The following MUC12 variants were observed in gnomAD, a reference collection of about 807,000 sequenced individuals.
The protein encoded by MUC12 is mucin 12, cell surface associated, also known as mucin-12.
MUC12 carries 172 observed loss-of-function variants against 230.8 expected under a neutral mutation model. The observed-to-expected ratio is 0.75, with a 90% confidence interval of 0.66 to 0.85. MUC12 has a LOEUF of 0.85. Among genes scored for constraint, MUC12 ranks in the 40% least tolerant of loss-of-function variants. The probability of loss-of-function intolerance (pLI) is 0.00; values close to 1 mark genes in which losing one functional copy is unlikely to be tolerated. For synonymous variants in MUC12, 1,259 were observed against 2,401.9 expected, an observed-to-expected ratio of 0.52 and a Z score of 13.91; for missense variants, 3,506 against 5,920.6, an observed-to-expected ratio of 0.59 and a Z score of 13.38.
chr7:100,981,260 C>G (rs1793100171), intron 1 of MUC12: 3 of 419,590 alleles, frequency 7.1e-6, no homozygotes, highest in Non-Finnish European at 4.2e-6. Context: ...AGAAGGACCG[C>G]CGCACTTGCT....
intron 1 of MUC12, among the ~76,000 whole-genome samples, chr7:100,989,716 G>T (rs899719819): frequency 2.0e-5 from 3 of 151,038 alleles, no homozygotes; most frequent in Non-Finnish European, 3.0e-5. Flanking sequence ...TTTTTAGATG[G>T]TGTCTCACTC....
chr7:101,004,763 C>G lies in MUC12; in HGVS notation c.14200C>G (p.Leu4734Val), dbSNP rs113022012. The G allele has an allele frequency of 6.8e-3, 10,445 of 1,537,346 alleles. 49 individuals carry two copies. Among genetic ancestry groups the G allele is most frequent in the African/African-American group, 0.022 (1,641 of 73,128 alleles). ...AGCCAGCACTGCCACAACACCAGGC[C>G]TCAGTGCAAAATCTACCATCCTTTA... ...TLASTATTPG[L>V]SAKSTILYSS... Residue 4734 changes from leucine to valine, a missense_variant, in exon 2 of 12, where the codon CTC becomes GTC. Transcript: ENST00000536621.
chr7:100,992,273 A>G lies in MUC12; in HGVS notation c.1710A>G (p.Ala570=). The part of the protein sequence containing the change: ...DTTLSPGSTT[A]SSLGPEYTTF... ...CATTGTCCCCTGGCAGTACCACAGC[A>G]TCATCCCTTGGTCCAGAATATACTA... Residue 570 remains alanine (A), a synonymous_variant, in exon 2 of 12, where the codon GCA becomes GCG. Transcript: ENST00000536621. 6.5e-7 allele frequency: 1 copy of G among 1,536,858 alleles called. No homozygotes were observed. Among genetic ancestry groups the G allele is most frequent in the Non-Finnish European group, 8.7e-7 (1 of 1,146,274 alleles).
chr7:101,014,799 TAAATTA>T (rs1317068153), intron 9 of MUC12, among the ~76,000 whole-genome samples: 2 of 151,604 alleles, frequency 1.3e-5, no homozygotes, highest in Non-Finnish European at 2.9e-5. Context: ...TAAATTAAAT[TAAATTA>T]AATTAAATTA....
chr7:101,004,351 A>T lies in MUC12; in HGVS notation c.13788A>T (p.Ser4596=), dbSNP rs1489871400. ...CCTCGCCTGCCCGCTCCACAACCTC[A>T]GGCCTCGTTGAAGAATCTACGGCGT... ...TTPSPARSTT[S]GLVEESTAYH... The change falls in exon 2 of 12, where the codon TCA becomes TCT. Residue 4596 remains serine, a synonymous_variant. Coordinates refer to ENST00000536621, the MANE Select transcript of MUC12 (RefSeq NM_001164462.2). The T allele has an allele frequency of 7.3e-7, 1 of 1,379,180 alleles. No homozygotes were observed. The highest frequency in any genetic ancestry group is 1.3e-5 in the South Asian group (1 of 75,792). 85.4% of individuals were successfully genotyped at this position (1,379,180 alleles called of 1,614,324 possible).
At chr7:100,988,039 C>T (rs755921167) in intron 1 of MUC12, among the ~76,000 whole-genome samples, 2 of 151,424 alleles carry the variant, frequency 1.3e-5, no homozygotes, top group Non-Finnish European at 2.9e-5. Context: ...GTGGCTCACG[C>T]CTGTAATCCC....
Position 100,992,474 on chromosome 7 carries a change from G to A in MUC12, c.1911G>A (p.Trp637Ter), listed in dbSNP as rs1353148747. Residue 637 changes from tryptophan (W) to a stop codon, truncating the protein, a stop_gained, in exon 2 of 12, where the codon TGG (tryptophan) becomes TGA (stop). Transcript: ENST00000536621. LOFTEE classifies it high-confidence loss of function. ...GAGAATCTACCACATTCCATAGCTG[G>A]CCAAGCTCAAAGGACACTAGGCCTG... The part of the protein sequence containing the change: ...RQGESTTFHS[W>*]PSSKDTRPAP... The A allele has an allele frequency of 5.2e-6, 8 of 1,537,844 alleles. No homozygotes were observed. The highest frequency in any genetic ancestry group is 2.4e-5 in the South Asian group (2 of 84,062).
intron 11 of MUC12, 63 bp downstream of exon 11, chr7:101,017,726 T>A: frequency 1.6e-6 from 2 of 1,236,352 alleles, no homozygotes; most frequent in Admixed American, 2.1e-5. Flanking sequence ...GGGTTCCCTC[T>A]TCCCCCGGGA....
At position 101,013,086 on chromosome 7, in the gene MUC12, G is replaced by A. The variant is rs950232545; in HGVS notation, c.15582G>A (p.Ser5194=). The A allele has an allele frequency of 6.5e-6, 10 of 1,537,326 alleles. No homozygotes were observed. The highest frequency in any genetic ancestry group is 3.6e-5 in the South Asian group (3 of 84,062). ...ACAAGTGCACCAAAGGAACGAAGTC[G>A]CAAATGAACTGTAACCTGGGCACAT... The part of the protein sequence containing the change: ...CVNKCTKGTK[S]QMNCNLGTCQ... The change falls in exon 8 of 12, where the codon TCG becomes TCA. Residue 5194 remains serine (S), a synonymous_variant. Coordinates refer to ENST00000536621, the MANE Select transcript of MUC12 (RefSeq NM_001164462.2).
chr7:101,004,869 T>C lies in MUC12; in HGVS notation c.14306T>C (p.Leu4769Ser). The C allele has an allele frequency of 6.5e-7, 1 of 1,536,968 alleles. No homozygotes were observed. The highest frequency in any genetic ancestry group is 1.2e-5 in the South Asian group (1 of 84,026). Reference sequence around the variant, plus strand: ...AGCATCAGTGGAGAACCCACCAGCTTGTATAGCCAAGCAGAGTCAACACAC... The same window carrying C: ...AGCATCAGTGGAGAACCCACCAGCTCGTATAGCCAAGCAGAGTCAACACAC... ...SSSISGEPTS[L>S]YSQAESTHTT... The change falls in exon 2 of 12, where the codon TTG becomes TCG. Residue 4769 changes from leucine to serine, a missense_variant. Transcript: ENST00000536621.
Position 100,992,397 on chromosome 7 carries a change from A to T in MUC12, c.1834A>T (p.Thr612Ser). ...LEASMPVHSS[T>S]RSPHTTLSPA... Reference sequence around the variant, plus strand: ...AGCATCTATGCCCGTCCACAGCAGCACCAGATCGCCACACACAACACTGTC... The same window carrying T: ...AGCATCTATGCCCGTCCACAGCAGCTCCAGATCGCCACACACAACACTGTC... Residue 612 changes from threonine to serine, a missense_variant, in exon 2 of 12, where the codon ACC becomes TCC. Physicochemically the swap from Thr to Ser is moderately conservative, Grantham distance 58 (BLOSUM62 1). Coordinates refer to ENST00000536621, the MANE Select transcript of MUC12 (RefSeq NM_001164462.2). The T allele has an allele frequency of 6.7e-7, 1 of 1,502,382 alleles. No individual in the cohort carries two copies. Among genetic ancestry groups the T allele is most frequent in the South Asian group, 1.2e-5 (1 of 82,702 alleles). 93.1% of individuals were successfully genotyped at this position (1,502,382 alleles called of 1,614,324 possible). A position where few individuals can be genotyped will look rare whatever the true frequency, so the allele number is the denominator to read the frequency against.
chr7:100,991,954 A>G lies in MUC12; in HGVS notation c.1391A>G (p.Asp464Gly), dbSNP rs1477324928. ...TCTACACCCTCAGTTCTTGTTGGAG[A>G]CTCGACGCCCTCACCCATCAGTTCA... The part of the protein sequence containing the change: ...AGSTPSVLVG[D>G]STPSPISSGS... Residue 464 changes from aspartate to glycine, a missense_variant, in exon 2 of 12, where the codon GAC becomes GGC. Asp to Gly is a moderately conservative substitution (Grantham distance 94). Transcript: ENST00000536621. 2.0e-6 allele frequency: 3 copies of G among 1,537,650 alleles called. No individual in the cohort carries two copies. The highest frequency in any genetic ancestry group is 2.6e-6 in the Non-Finnish European group (3 of 1,147,046).
At position 101,018,575 on chromosome 7, in the gene MUC12, T is replaced by G; in HGVS notation, c.15967-20T>G. Reference sequence around the variant, plus strand: ...CCCGGGTCTGCCCCTTGGCCTCACCTCTTCTCTCCCGTCCCCCAGCTCCAC... The same window carrying G: ...CCCGGGTCTGCCCCTTGGCCTCACCGCTTCTCTCCCGTCCCCCAGCTCCAC... On this transcript the variant is annotated intron_variant, in intron 11 of 11. Coordinates refer to ENST00000536621, the MANE Select transcript of MUC12 (RefSeq NM_001164462.2). 1.3e-6 allele frequency: 2 copies of G among 1,527,096 alleles called. No homozygotes were observed. The highest frequency in any genetic ancestry group is 1.8e-6 in the Non-Finnish European group (2 of 1,142,020). The allele number at this position is 1,527,096 out of a possible 1,614,324, so 94.6% of individuals were successfully genotyped here.
intron 8 of MUC12, 117 bp downstream of exon 8, chr7:101,013,259 C>A (rs1793864407): frequency 2.8e-6 from 3 of 1,081,900 alleles, no homozygotes; most frequent in Admixed American, 2.2e-5. Context: ...GCCTCCTCCC[C>A]ACTCCTGGAC....
At chr7:100,973,892 C>T (rs1792965575) in intron 1 of MUC12, among the ~76,000 whole-genome samples, 1 of 151,966 alleles carries the variant, frequency 6.6e-6, no homozygotes, top group Non-Finnish European at 1.5e-5. Context: ...GGTGCTCATG[C>T]CTGTAATCCC....
chr7:100,978,329 G>T (rs73402807), intron 1 of MUC12, among the ~76,000 whole-genome samples: 1,688 of 152,264 alleles, frequency 0.011, 34 homozygotes, highest in African/African-American at 0.038. Context: ...TAAAGGAATA[G>T]ACCCAGGCTA....
At chr7:100,973,043 T>C in intron 1 of MUC12, 1 of 678,946 alleles carries the variant, frequency 1.5e-6, no homozygotes, top group Non-Finnish European at 2.7e-6. Flanking sequence ...GTGGTGGTGC[T>C]GGTGCATTTG....
chr7:101,009,118 C>T lies in MUC12; in HGVS notation c.15210C>T (p.Asp5070=). Residue 5070 remains aspartate, a synonymous_variant, in exon 5 of 12, where the codon GAC becomes GAT. Transcript: ENST00000536621. The part of the protein sequence containing the change: ...KNRMDVVLKG[D]NLPQYRGVNI... ...AGATGGATGTCGTTTTGAAGGGCGACAATCTTCCTCAGTATAGAGGGGTGA... is the reference window on the plus strand; with the variant it reads ...AGATGGATGTCGTTTTGAAGGGCGATAATCTTCCTCAGTATAGAGGGGTGA... 2 of 1,537,918 alleles carry T rather than the reference C, an allele frequency of 1.3e-6. No individual in the cohort carries two copies. The highest frequency in any genetic ancestry group is 8.7e-7 in the Non-Finnish European group (1 of 1,147,056).
At chr7:100,974,094 A>G (rs919734676) in intron 1 of MUC12, among the ~76,000 whole-genome samples, 1 of 152,056 alleles carries the variant, frequency 6.6e-6, no homozygotes, top group African/African-American at 2.4e-5. Context: ...GACTGCAGTG[A>G]GCTGTGATTG....
Sources: gnomAD v4.1 joint callset for allele counts (sites outside exome capture counted in the v4.1 genomes callset) on GRCh38, gnomAD v4.1.1 for gene constraint, MANE v1.5 for transcripts, NCBI Gene and HGNC (gene_info 2026-07-23, HGNC 2026-07-21) for gene names.